NBPF3: variants seen among roughly 807,000 people sequenced by gnomAD.
NBPF3 encodes the protein NBPF member 3.
Under a neutral mutation model 78.1 loss-of-function variants are expected in NBPF3, and 57 were observed. The ratio of observed to expected loss-of-function variants is 0.73; its 90% CI spans 0.59 to 0.91. The LOEUF is 0.91. Ranked by LOEUF, NBPF3 falls within the 40% of genes least tolerant of loss-of-function variation. The pLI is 0.00. For missense variants in NBPF3, 510 were observed against 715.3 expected, an observed-to-expected ratio of 0.71 and a Z score of 3.27; for synonymous variants, 182 against 271.7, an observed-to-expected ratio of 0.67 and a Z score of 3.25.
chr1:21,442,908 C>T (rs924481381), intron 1 of NBPF3, among the ~76,000 whole-genome samples: 4 of 152,096 alleles, frequency 2.6e-5, no homozygotes, highest in African/African-American at 7.2e-5. Flanking sequence ...GTAATCTGCC[C>T]GCTTCAGCCT....
chr1:21,455,837 A>G (rs1569976562), intron 2 of NBPF3, among the ~76,000 whole-genome samples: 3 of 152,164 alleles, frequency 2.0e-5, no homozygotes, highest in Admixed American at 2.0e-4. Flanking sequence ...GGTGGCTGCT[A>G]TAAAATTGAG....
chr1:21,439,935 C>T (rs1364369706), upstream of NBPF3, among the ~76,000 whole-genome samples: 1 of 152,180 alleles, frequency 6.6e-6, no homozygotes, highest in African/African-American at 2.4e-5. Flanking sequence ...GAGGGATTCC[C>T]CGTCCCAGCT....
chr1:21,463,380 CACAG>C (rs1319583557), intron 2 of NBPF3, among the ~76,000 whole-genome samples: 3 of 152,174 alleles, frequency 2.0e-5, no homozygotes, highest in African/African-American at 7.2e-5. Flanking sequence ...AGAGCTCTGT[CACAG>C]GCCATGGATG....
At chr1:21,467,335 G>T in intron 2 of NBPF3, 1 of 985,468 alleles carries the variant, frequency 1.0e-6, no homozygotes, top group South Asian at 4.7e-5. Context: ...AATCTTAGGA[G>T]ACCTGGGCTA....
At chr1:21,437,576 G>A (rs1640450215), upstream of NBPF3, 1 of 934,838 alleles carries the variant, frequency 1.1e-6, no homozygotes, top group Non-Finnish European at 1.5e-6. Context: ...GAATAAGTCA[G>A]CGTTTGGGCA....
intron 4 of NBPF3, among the ~76,000 whole-genome samples, chr1:21,471,115 C>G (rs1642568895): frequency 1.3e-5 from 2 of 152,150 alleles, no homozygotes; most frequent in African/African-American, 4.8e-5. Flanking sequence ...TGCTTTCACT[C>G]AATGTTACCT....
At position 21,479,820 on chromosome 1, in the gene NBPF3, C is replaced by CTCTGTGTGTGTGTG. The variant is rs766796014; in HGVS notation, c.1209-230_1209-229insCTGTGTGTGTGTGT. Among the ~76,000 whole-genome samples the CTCTGTGTGTGTGTG allele has an allele frequency of 1.1e-3, 110 of 102,886 alleles. 1 individual carries two copies. Among genetic ancestry groups the CTCTGTGTGTGTGTG allele is most frequent in the African/African-American group, 2.8e-3 (82 of 29,776 alleles). The allele number at this position is 102,886 out of a possible 152,430, so 67.5% of individuals were successfully genotyped here. A position where few individuals can be genotyped will look rare whatever the true frequency, so the allele number is the denominator to read the frequency against. ...TCTCTCTCTCTCTCTCTCTCTCTCT[C>CTCTGTGTGTGTGTG]TGTGTGTGTGTGTGTGTGTGTGTGT... On this transcript the variant is annotated intron_variant, in intron 10 of 14. Transcript: ENST00000318249.
intron 2 of NBPF3, chr1:21,467,272 G>A (rs1642325954): frequency 1.0e-6 from 1 of 985,378 alleles, no homozygotes; most frequent in Non-Finnish European, 1.2e-6. Context: ...ATGAATGCTG[G>A]GCAGCCCAGG....
chr1:21,456,497 A>G (rs1191283001), intron 2 of NBPF3, among the ~76,000 whole-genome samples: 1 of 152,188 alleles, frequency 6.6e-6, no homozygotes, highest in Middle Eastern at 3.2e-3. Flanking sequence ...TATATTTGTT[A>G]AAAGTTTATA....
chr1:21,466,948 T>G, intron 2 of NBPF3: 4 of 971,064 alleles, frequency 4.1e-6, no homozygotes, highest in Non-Finnish European at 4.9e-6. Flanking sequence ...ATTATATGGA[T>G]CCTATGAATA....
At chr1:21,438,865 C>T (rs1461998860), upstream of NBPF3, among the ~76,000 whole-genome samples, 1 of 152,232 alleles carries the variant, frequency 6.6e-6, no homozygotes, top group Non-Finnish European at 1.5e-5. Context: ...TTTATCTGTT[C>T]TCCTGGCCCA....
At chr1:21,479,500 T>A (rs1181556407) in intron 10 of NBPF3, 100 bp downstream of exon 10, 1 of 1,039,850 alleles carries the variant, frequency 9.6e-7, no homozygotes, top group African/African-American at 1.6e-5. Context: ...TTTCATCTTG[T>A]CAGACAAGTC....
At chr1:21,443,765 C>T (rs1041327476) in intron 1 of NBPF3, among the ~76,000 whole-genome samples, 1 of 152,052 alleles carries the variant, frequency 6.6e-6, no homozygotes, top group Non-Finnish European at 1.5e-5. Context: ...AGGCATGCAC[C>T]ACTATGCCTG....
intron 2 of NBPF3, among the ~76,000 whole-genome samples, chr1:21,457,867 C>T (rs561134903): frequency 6.6e-6 from 1 of 152,192 alleles, no homozygotes; most frequent in East Asian, 1.9e-4. Context: ...TGCAGATGAA[C>T]TGGGGAGGAA....
intron 5 of NBPF3, among the ~76,000 whole-genome samples, 181 bp from the exon 6 acceptor site, chr1:21,472,662 G>A (rs1369064124): frequency 6.6e-6 from 1 of 152,212 alleles, no homozygotes; most frequent in Non-Finnish European, 1.5e-5. Context: ...CTCCAGATCA[G>A]AAATGCATTG....
chr1:21,439,175 A>G (rs1259878169), upstream of NBPF3, among the ~76,000 whole-genome samples: 4 of 152,118 alleles, frequency 2.6e-5, no homozygotes, highest in Non-Finnish European at 5.9e-5. Context: ...GCTACTCGGG[A>G]GGCTGGGGCA....
At chr1:21,465,265 TC>T (rs1642196803) in intron 2 of NBPF3, among the ~76,000 whole-genome samples, 1 of 152,242 alleles carries the variant, frequency 6.6e-6, no homozygotes, top group Non-Finnish European at 1.5e-5. Flanking sequence ...GAAAGAATCA[TC>T]CCATAAACTG....
intron 2 of NBPF3, chr1:21,451,664 G>C (rs1173935556): frequency 6.4e-6 from 1 of 156,566 alleles, no homozygotes; most frequent in Admixed American, 6.5e-5. Flanking sequence ...GGGCACTCAA[G>C]TGAACAGGGC....
intron 2 of NBPF3, among the ~76,000 whole-genome samples, chr1:21,459,488 G>T (rs4654938): frequency 0.66 from 99,867 of 151,950 alleles, 34,426 homozygotes; most frequent in South Asian, 0.87. Context: ...ACACAGGAGG[G>T]CTATGGGTAG....
Sources: allele counts gnomAD v4.1 joint callset (sites outside exome capture counted in the v4.1 genomes callset), GRCh38; gene constraint gnomAD v4.1.1; transcripts MANE v1.5; gene names NCBI Gene and HGNC (gene_info 2026-07-23, HGNC 2026-07-21).